PDIA5: variants seen among roughly 807,000 people sequenced by gnomAD.
PDIA5 encodes the protein protein disulfide-isomerase A5.
Under a neutral mutation model 77.6 loss-of-function variants are expected in PDIA5, and 58 were observed. The observed-to-expected ratio is 0.75, with a 90% CI of 0.61 to 0.93. The LOEUF is 0.93. Ranked by LOEUF, PDIA5 falls within the 40% of genes least tolerant of loss-of-function variation. PDIA5 has a pLI of 0.00. For missense variants in PDIA5, 630 were observed against 647.7 expected, an observed-to-expected ratio of 0.97 and a Z score of 0.30; for synonymous variants, 250 against 252.1, an observed-to-expected ratio of 0.99 and a Z score of 0.08.
At chr3:123,117,853 C>A (rs1430516595) in intron 8 of PDIA5, among the ~76,000 whole-genome samples, 2 of 152,076 alleles carry the variant, frequency 1.3e-5, no homozygotes, top group Non-Finnish European at 2.9e-5. Context: ...TTTGCACTTA[C>A]CCCGAGTAGC....
intron 1 of PDIA5, among the ~76,000 whole-genome samples, chr3:123,070,655 C>T (rs9858743): frequency 0.12 from 18,895 of 152,026 alleles, 1,346 homozygotes; most frequent in Non-Finnish European, 0.17. Flanking sequence ...GGGCACAGGG[C>T]GATCCCTGCC....
At chr3:123,117,830 C>A (rs905362912) in intron 8 of PDIA5, among the ~76,000 whole-genome samples, 2 of 152,074 alleles carry the variant, frequency 1.3e-5, no homozygotes, top group African/African-American at 4.8e-5. Flanking sequence ...TTTTGGATAT[C>A]TGTTTATCCA....
At chr3:123,134,755 G>A (rs1186518698) in intron 11 of PDIA5, among the ~76,000 whole-genome samples, 2 of 152,196 alleles carry the variant, frequency 1.3e-5, no homozygotes, top group African/African-American at 2.4e-5. Flanking sequence ...TCATATGGGC[G>A]ATCTCTATTC....
chr3:123,102,578 A>T (rs1934628619), intron 4 of PDIA5, 84 bp downstream of exon 4: 2 of 1,146,824 alleles, frequency 1.7e-6, no homozygotes, highest in East Asian at 4.8e-5. Context: ...ATTTTTAGTT[A>T]GATTAATTTT....
intron 10 of PDIA5, 69 bp from the exon 11 acceptor site, chr3:123,130,411 G>T (rs1193821436): frequency 3.3e-6 from 5 of 1,519,142 alleles, no homozygotes; most frequent in Non-Finnish European, 4.4e-6. Flanking sequence ...GGGTCCAGGG[G>T]CCTGGAATTA....
At chr3:123,131,790 T>C (rs1935376250) in intron 11 of PDIA5, among the ~76,000 whole-genome samples, 1 of 151,310 alleles carries the variant, frequency 6.6e-6, no homozygotes, top group Non-Finnish European at 1.5e-5. Flanking sequence ...TGACCATAGG[T>C]GGTTTCCAAG....
At chr3:123,150,157 A>C in intron 13 of PDIA5, 77 bp from the exon 14 acceptor site, 1 of 1,008,178 alleles carries the variant, frequency 9.9e-7, no homozygotes, top group Non-Finnish European at 1.5e-6. Context: ...AGTGGTTGGG[A>C]CATTGAGGGT....
chr3:123,078,347 G>C (rs1410027659), intron 1 of PDIA5, among the ~76,000 whole-genome samples: 1 of 152,176 alleles, frequency 6.6e-6, no homozygotes, highest in African/African-American at 2.4e-5. Flanking sequence ...GAATCAGAAG[G>C]CCCATGCAAG....
chr3:123,071,100 T>C (rs1464138942), intron 1 of PDIA5, among the ~76,000 whole-genome samples: 1 of 152,072 alleles, frequency 6.6e-6, no homozygotes, highest in Non-Finnish European at 1.5e-5. Flanking sequence ...CCTTTCTTGA[T>C]AAAATTTATT....
intron 10 of PDIA5, among the ~76,000 whole-genome samples, chr3:123,125,225 A>G (rs1411612787): frequency 6.6e-6 from 1 of 152,202 alleles, no homozygotes; most frequent in African/African-American, 2.4e-5. Flanking sequence ...CTTCATGAGT[A>G]TTTGTGCATA....
chr3:123,156,315 C>T (rs556119775), intron 15 of PDIA5, among the ~76,000 whole-genome samples: 3 of 152,304 alleles, frequency 2.0e-5, no homozygotes, highest in South Asian at 2.1e-4. Flanking sequence ...CATTGTTACC[C>T]GAAAGCCCTG....
chr3:123,088,190 G>A (rs1934190734), intron 1 of PDIA5, among the ~76,000 whole-genome samples: 1 of 152,130 alleles, frequency 6.6e-6, no homozygotes, highest in Non-Finnish European at 1.5e-5. Context: ...TTGCCCAGCT[G>A]TGCAATCTGG....
Position 123,161,460 on chromosome 3 carries a change from G to C in PDIA5, c.1479+5G>C. The C allele has an allele frequency of 1.2e-6, 2 of 1,613,322 alleles. No homozygotes were observed. Among genetic ancestry groups the C allele is most frequent in the Non-Finnish European group, 1.7e-6 (2 of 1,179,666 alleles). ...AAGTATGACAGCGACCGCACAGTAA[G>C]TGGGGGAGAGGCGTCTGCCCAGAGC... On this transcript the variant is annotated splice_donor_5th_base_variant and intron_variant, in intron 16 of 16. Coordinates refer to ENST00000316218, the MANE Select transcript of PDIA5 (RefSeq NM_006810.4).
At chr3:123,086,160 T>A (rs1446461999) in intron 1 of PDIA5, among the ~76,000 whole-genome samples, 1 of 152,236 alleles carries the variant, frequency 6.6e-6, no homozygotes, top group Admixed American at 6.5e-5. Context: ...AATATGGTAA[T>A]GTTTCAGTCT....
At chr3:123,129,283 G>A (rs1021832092) in intron 10 of PDIA5, among the ~76,000 whole-genome samples, 1 of 152,232 alleles carries the variant, frequency 6.6e-6, no homozygotes, top group Non-Finnish European at 1.5e-5. Flanking sequence ...ATCTGACATT[G>A]GATATGCATG....
chr3:123,135,513 T>C (rs1935477989), intron 11 of PDIA5, among the ~76,000 whole-genome samples: 1 of 152,338 alleles, frequency 6.6e-6, no homozygotes, highest in Middle Eastern at 3.4e-3. Context: ...TTGCCATATC[T>C]TGCCTCCAGC....
chr3:123,145,820 C>G (rs1256758782), intron 12 of PDIA5, among the ~76,000 whole-genome samples: 1 of 152,190 alleles, frequency 6.6e-6, no homozygotes, highest in African/African-American at 2.4e-5. Flanking sequence ...CTGCCTGCTC[C>G]CTCTTTTCTC....
At chr3:123,068,697 G>T (rs1011164177) in intron 1 of PDIA5, among the ~76,000 whole-genome samples, 1 of 152,212 alleles carries the variant, frequency 6.6e-6, no homozygotes, top group Non-Finnish European at 1.5e-5. Flanking sequence ...CAATCACATT[G>T]TTTGGATTGA....
chr3:123,118,376 A>G (rs1444231267), intron 8 of PDIA5, among the ~76,000 whole-genome samples: 1 of 152,170 alleles, frequency 6.6e-6, no homozygotes, highest in Admixed American at 6.5e-5. Context: ...ACCCGCATAC[A>G]CTTAGAAATC....
Sources: gnomAD v4.1 joint callset for allele counts (sites outside exome capture counted in the v4.1 genomes callset) on GRCh38, gnomAD v4.1.1 for gene constraint, MANE v1.5 for transcripts, NCBI Gene and HGNC (gene_info 2026-07-23, HGNC 2026-07-21) for gene names.